Variants in EGF observed in about 807,000 individuals in gnomAD.
EGF encodes the protein pro-epidermal growth factor.
Under a neutral mutation model 143.8 loss-of-function variants are expected in EGF, and 95 were observed. The observed-to-expected ratio is 0.66, with a 90% CI of 0.56 to 0.78. The LOEUF (loss-of-function observed/expected upper bound fraction) is 0.78. Ranked by LOEUF, EGF falls within the 30% of genes least tolerant of loss-of-function variation. EGF has a pLI of 0.00. For missense variants in EGF, 1,320 were observed against 1,470.9 expected, an observed-to-expected ratio of 0.90 and a Z score of 1.68; for synonymous variants, 510 against 510.5, an observed-to-expected ratio of 1.00 and a Z score of 0.01.
chr4:110,001,620 C>A lies in EGF; in HGVS notation c.3173+1774C>A, dbSNP rs539831655. The A allele has an allele frequency of 3.6e-5, 35 of 985,348 alleles. No homozygotes were observed. The African/African-American group carries it at 5.8e-4, about 16-fold the overall frequency. 61.0% of individuals were successfully genotyped at this position (985,348 alleles called of 1,614,324 possible). On this transcript the variant is annotated intron_variant, in intron 21 of 23. Transcript: ENST00000265171. The stretch of plus-strand genomic sequence containing the variant: ...TTTGTTGTGTTATGATATAGTATGT[C>A]TTATGTTCTGTTGGCATTTTTCAGA...
Position 109,913,051 on chromosome 4 carries a change from C to T in EGF, c.-285C>T. The stretch of plus-strand genomic sequence containing the variant: ...TCAGCCAGAGCAGGGCTGTTAAACT[C>T]TGTGAAATTTGTCATAAGGGTGTCA... On this transcript the variant is annotated 5_prime_UTR_variant, in exon 1 of 24. Coordinates refer to ENST00000265171, the MANE Select transcript of EGF (RefSeq NM_001963.6). 1 of 388,024 alleles carries T rather than the reference C, an allele frequency of 2.6e-6. No individual in the cohort carries two copies. Among genetic ancestry groups the T allele is most frequent in the South Asian group, 2.2e-5 (1 of 46,056 alleles). 24.0% of individuals were successfully genotyped at this position (388,024 alleles called of 1,614,324 possible).
At chr4:109,916,254 G>A (rs1158904828) in intron 1 of EGF, among the ~76,000 whole-genome samples, 1 of 152,154 alleles carries the variant, frequency 6.6e-6, no homozygotes, top group African/African-American at 2.4e-5. Context: ...GTAATTCTGA[G>A]ACCAGAAGCT....
At position 109,980,144 on chromosome 4, in the gene EGF, A is replaced by G. The variant is rs747172534; in HGVS notation, c.2221+5A>G. 2 of 1,599,216 alleles carry G rather than the reference A, an allele frequency of 1.3e-6. No individual in the cohort carries two copies. Among genetic ancestry groups the G allele is most frequent in the South Asian group, 1.1e-5 (1 of 88,218 alleles). On this transcript the variant is annotated splice_donor_5th_base_variant and intron_variant, in intron 14 of 23. Transcript: ENST00000265171. The stretch of plus-strand genomic sequence containing the variant: ...TTCATCCATTGGCAAAACCAGGTAC[A>G]TACTGGAGATGTTACACAGTCTTTC...
At chr4:109,967,358 T>C (rs529979141) in intron 10 of EGF, among the ~76,000 whole-genome samples, 8 of 152,332 alleles carry the variant, frequency 5.3e-5, no homozygotes, top group African/African-American at 1.7e-4. Context: ...TGTAGGCATA[T>C]GACTTTAAAT....
chr4:109,992,917 G>A (rs947287025), intron 18 of EGF, among the ~76,000 whole-genome samples: 26 of 144,456 alleles, frequency 1.8e-4, no homozygotes, highest in South Asian at 1.6e-3. Flanking sequence ...TGGACACAGG[G>A]TGGGGAACAT....
Position 109,962,041 on chromosome 4 carries a change from G to T in EGF, c.1312+56G>T, listed in dbSNP as rs534365999. Reference sequence around the variant, plus strand: ...TTGTTTGAAAACATACATTTGCTCAGTGACATCTAAAAATTGATCTTGTTG... The same window carrying T: ...TTGTTTGAAAACATACATTTGCTCATTGACATCTAAAAATTGATCTTGTTG... On this transcript the variant is annotated intron_variant, in intron 8 of 23. Coordinates refer to ENST00000265171, the MANE Select transcript of EGF (RefSeq NM_001963.6). The T allele has an allele frequency of 5.3e-5, 85 of 1,608,784 alleles. No homozygotes were observed. The African/African-American group carries it at 1.0e-3, about 20-fold the overall frequency.
intron 10 of EGF, among the ~76,000 whole-genome samples, chr4:109,965,041 A>G (rs953759499): frequency 6.6e-6 from 1 of 152,168 alleles, no homozygotes; most frequent in Non-Finnish European, 1.5e-5. Context: ...GAGAATGGCA[A>G]TCTAACTAAT....
Position 109,913,293 on chromosome 4 carries a change from A to G in EGF, c.-43A>G, listed in dbSNP as rs1736022038. ...ACCTTGCCCGGGCCATGCTCCAGCA[A>G]AATCAAGCTGTTTTCTTTTGAAAGT... On this transcript the variant is annotated 5_prime_UTR_variant, in exon 1 of 24. Transcript: ENST00000265171. 3 of 1,611,378 alleles carry G rather than the reference A, an allele frequency of 1.9e-6. No homozygotes were observed. The highest frequency in any genetic ancestry group is 2.7e-5 in the African/African-American group (2 of 74,968).
Position 109,983,440 on chromosome 4 carries a change from A to G in EGF, c.2390A>G (p.Lys797Arg), listed in dbSNP as rs1157079958. 1 of 1,613,750 alleles carries G rather than the reference A, an allele frequency of 6.2e-7. No homozygotes were observed. The highest frequency in any genetic ancestry group is 1.7e-5 in the Admixed American group (1 of 59,990). Residue 797 changes from lysine to arginine, a missense_variant, in exon 16 of 24, where the codon AAG becomes AGG. Physicochemically the swap from Lys to Arg is conservative, Grantham distance 26 (BLOSUM62 2). Coordinates refer to ENST00000265171, the MANE Select transcript of EGF (RefSeq NM_001963.6). ...QLLAGGEVDL[K>R]NQVTPLDILS... ...TCAATAGGTGGTGAAGTTGATCTAA[A>G]GAACCAAGTAACACCATTGGACATC...
At chr4:109,953,105 T>C (rs1197164596) in intron 5 of EGF, among the ~76,000 whole-genome samples, 1 of 152,218 alleles carries the variant, frequency 6.6e-6, no homozygotes, top group Non-Finnish European at 1.5e-5. Flanking sequence ...AGAAATCTGA[T>C]CAGAATCAGA....
At chr4:109,937,693 T>C (rs956729355) in intron 1 of EGF, among the ~76,000 whole-genome samples, 3 of 152,190 alleles carry the variant, frequency 2.0e-5, no homozygotes, top group African/African-American at 4.8e-5. Context: ...CGGGAGCTCT[T>C]GTAAGGCAGG....
At chr4:109,971,008 G>A (rs936753168) in intron 11 of EGF, among the ~76,000 whole-genome samples, 10 of 151,740 alleles carry the variant, frequency 6.6e-5, no homozygotes, top group African/African-American at 2.2e-4. Flanking sequence ...TAGTTGCAAT[G>A]CACCAGATAC....
At chr4:110,004,724 T>A in intron 22 of EGF, 102 bp downstream of exon 22, 1 of 902,832 alleles carries the variant, frequency 1.1e-6, no homozygotes, top group Non-Finnish European at 1.6e-6. Flanking sequence ...GAATCAGTTA[T>A]AGCTTCCAGC....
intron 14 of EGF, chr4:109,980,567 C>T (rs1228940419): frequency 3.7e-5 from 19 of 517,014 alleles, no homozygotes; most frequent in South Asian, 3.2e-4. Flanking sequence ...ATAAGAATCA[C>T]ATTTGACTAA....
chr4:109,959,580 C>T, intron 6 of EGF, 143 bp downstream of exon 6: 2 of 1,222,414 alleles, frequency 1.6e-6, no homozygotes, highest in South Asian at 1.2e-5. Context: ...CCCCGTCCCC[C>T]ACACAACCCC....
rs369165903 is a variant in EGF, at chr4:109,934,427, ATTTG to A, written c.128-6515_128-6512del. Among the ~76,000 whole-genome samples, 73 of 152,196 alleles carry A rather than the reference ATTTG, an allele frequency of 4.8e-4. No homozygotes were observed. The East Asian group carries it at 0.013, about 27-fold the overall frequency. On this transcript the variant is annotated intron_variant, in intron 1 of 23. Transcript: ENST00000265171. ...GGGGTTGTTTGGTTTTTTCTTGTAA[ATTTG>A]TTTAAGTTCTTTGTATATTCTAGAT...
chr4:110,009,820 G>A (rs1480900744), intron 23 of EGF, among the ~76,000 whole-genome samples: 1 of 152,196 alleles, frequency 6.6e-6, no homozygotes, highest in African/African-American at 2.4e-5. Context: ...CACAATACTA[G>A]TGTAGTTCCA....
At chr4:109,936,777 C>A (rs571186992) in intron 1 of EGF, among the ~76,000 whole-genome samples, 3 of 152,244 alleles carry the variant, frequency 2.0e-5, no homozygotes, top group Admixed American at 1.3e-4. Flanking sequence ...TTATTTATTT[C>A]TCCCTTAATT....
Position 109,993,349 on chromosome 4 carries a change from A to G in EGF, c.2837A>G (p.Glu946Gly), listed in dbSNP as rs781610348. Reference sequence around the variant, plus strand: ...TGCATGTGTGCTGGACGCCTGTCTGAACCAGGACTGATTTGCCCTGGTAGG... The same window carrying G: ...TGCATGTGTGCTGGACGCCTGTCTGGACCAGGACTGATTTGCCCTGGTAGG... ...YTCMCAGRLS[E>G]PGLICPDSTP... The change falls in exon 19 of 24, where the codon GAA becomes GGA. Residue 946 changes from glutamate (E) to glycine (G), a missense_variant. This residue lies in a region of EGF where 1,186 missense variants were observed against 1,313.7 expected (regional missense o/e 0.90). Transcript: ENST00000265171. 3 of 1,613,576 alleles carry G rather than the reference A, an allele frequency of 1.9e-6. No homozygotes were observed. Among genetic ancestry groups the G allele is most frequent in the Non-Finnish European group, 2.5e-6 (3 of 1,179,838 alleles).
Sources: gnomAD v4.1 joint callset for allele counts (sites outside exome capture counted in the v4.1 genomes callset) on GRCh38, gnomAD v4.1.1 for gene constraint, gnomAD v4.1.1 regional missense constraint, MANE v1.5 for transcripts, NCBI Gene and HGNC (gene_info 2026-07-23, HGNC 2026-07-21) for gene names.